CDKAL1: variants seen among roughly 807,000 people sequenced by gnomAD.
CDKAL1 encodes the protein CDKAL1 threonylcarbamoyladenosine tRNA methylthiotransferase, also known as threonylcarbamoyladenosine tRNA methylthiotransferase.
A neutral mutation model predicts 68.2 loss-of-function variants in CDKAL1; 32 were observed. The observed-to-expected ratio is 0.47, with a 90% CI of 0.35 to 0.63. The LOEUF (loss-of-function observed/expected upper bound fraction) is 0.63. Among genes scored for constraint, CDKAL1 ranks in the 30% least tolerant of loss-of-function variants. The pLI, the probability that CDKAL1 is intolerant of heterozygous loss-of-function variation, is 0.00. For missense variants in CDKAL1, 606 were observed against 696.7 expected (o/e 0.87, Z 1.47); for synonymous variants, 234 against 244.3 (o/e 0.96, Z 0.39).
intron 5 of CDKAL1, among the ~76,000 whole-genome samples, chr6:20,660,798 T>A (rs1021057524): frequency 6.6e-6 from 1 of 152,184 alleles, no homozygotes; most frequent in Non-Finnish European, 1.5e-5. Context: ...GGGTTTAGTA[T>A]CGTTATGCTG....
intron 12 of CDKAL1, among the ~76,000 whole-genome samples, chr6:21,082,874 G>GTTTTTTTT (rs71540612): frequency 7.7e-6 from 1 of 129,172 alleles, no homozygotes; most frequent in Non-Finnish European, 1.6e-5. Flanking sequence ...TGTTTCTTTT[G>GTTTTTTTT]TTTTTTTTTT....
chr6:20,601,332 T>G (rs978796273), intron 4 of CDKAL1, among the ~76,000 whole-genome samples: 3 of 152,228 alleles, frequency 2.0e-5, no homozygotes, highest in African/African-American at 7.2e-5. Flanking sequence ...ATAGTGATTC[T>G]TATTTTTTCT....
At chr6:20,596,255 T>A (rs1285467576) in intron 4 of CDKAL1, among the ~76,000 whole-genome samples, 1 of 152,190 alleles carries the variant, frequency 6.6e-6, no homozygotes, top group East Asian at 1.9e-4. Context: ...GCTGAAGCTG[T>A]GCCCACAGCT....
chr6:20,867,201 T>C (rs1281956747), intron 9 of CDKAL1, among the ~76,000 whole-genome samples: 2 of 152,184 alleles, frequency 1.3e-5, no homozygotes, highest in Admixed American at 6.5e-5. Context: ...CAGTGTAATA[T>C]AGAGTAAATC....
intron 5 of CDKAL1, among the ~76,000 whole-genome samples, chr6:20,709,466 A>T (rs2127828028): frequency 6.6e-6 from 1 of 152,282 alleles, no homozygotes; most frequent in East Asian, 1.9e-4. Context: ...AAAAATTTGA[A>T]GTCTGAACAC....
chr6:20,687,883 T>C (rs1285080380), intron 5 of CDKAL1, among the ~76,000 whole-genome samples: 3 of 152,120 alleles, frequency 2.0e-5, no homozygotes, highest in Non-Finnish European at 2.9e-5. Context: ...TAAAGGATTT[T>C]TTTTTTTAAT....
At chr6:21,155,573 C>T (rs896157524) in intron 13 of CDKAL1, among the ~76,000 whole-genome samples, 1 of 152,202 alleles carries the variant, frequency 6.6e-6, no homozygotes. Flanking sequence ...ACGGTGAAAG[C>T]TCTTTAAGAG....
At chr6:20,766,761 A>T (rs534757091) in intron 7 of CDKAL1, among the ~76,000 whole-genome samples, 1 of 152,278 alleles carries the variant, frequency 6.6e-6, no homozygotes, top group South Asian at 2.1e-4. Context: ...ATATTTTCAG[A>T]TATGGCAACT....
intron 5 of CDKAL1, among the ~76,000 whole-genome samples, chr6:20,717,747 G>A (rs1772164539): frequency 6.6e-6 from 1 of 152,204 alleles, no homozygotes; most frequent in South Asian, 2.1e-4. Context: ...AACAGGTAGA[G>A]TTGAGTTTCC....
intron 8 of CDKAL1, among the ~76,000 whole-genome samples, chr6:20,841,169 A>T (rs1036459919): frequency 6.6e-6 from 1 of 152,132 alleles, no homozygotes; most frequent in African/African-American, 2.4e-5. Flanking sequence ...GAAAGATCAT[A>T]CTCTATCAAT....
At chr6:20,606,737 A>G (rs1766351338) in intron 4 of CDKAL1, among the ~76,000 whole-genome samples, 1 of 152,248 alleles carries the variant, frequency 6.6e-6, no homozygotes, top group Non-Finnish European at 1.5e-5. Flanking sequence ...GAAATGGGAA[A>G]GAAAACTAAC....
At chr6:20,572,289 G>A (rs1247712212) in intron 4 of CDKAL1, among the ~76,000 whole-genome samples, 1 of 152,096 alleles carries the variant, frequency 6.6e-6, no homozygotes, top group Non-Finnish European at 1.5e-5. Flanking sequence ...AAGTTTCAAG[G>A]CTACCTGTAT....
At chr6:20,867,603 C>A (rs917492542) in intron 9 of CDKAL1, among the ~76,000 whole-genome samples, 1 of 152,090 alleles carries the variant, frequency 6.6e-6, no homozygotes, top group Non-Finnish European at 1.5e-5. Context: ...GTTTTCAGGC[C>A]AATTTCAGAA....
chr6:20,711,639 T>G (rs1162107155), intron 5 of CDKAL1, among the ~76,000 whole-genome samples: 2 of 152,204 alleles, frequency 1.3e-5, no homozygotes, highest in Non-Finnish European at 2.9e-5. Flanking sequence ...ATCATAAGTG[T>G]GTTATCTCAT....
intron 13 of CDKAL1, among the ~76,000 whole-genome samples, chr6:21,192,572 A>G (rs576477957): frequency 5.3e-5 from 8 of 152,176 alleles, no homozygotes; most frequent in Non-Finnish European, 8.8e-5. Context: ...AGTTACTACA[A>G]TCAGTTACTT....
At chr6:20,643,542 A>C (rs924264115) in intron 4 of CDKAL1, among the ~76,000 whole-genome samples, 1 of 152,330 alleles carries the variant, frequency 6.6e-6, no homozygotes. Context: ...GAAGCCCAAC[A>C]ATGTGTGCAT....
chr6:20,792,575 G>T (rs1245389858), intron 8 of CDKAL1, among the ~76,000 whole-genome samples: 1 of 152,086 alleles, frequency 6.6e-6, no homozygotes, highest in East Asian at 1.9e-4. Flanking sequence ...ACTTTCTCCT[G>T]TCTCTGTTAT....
At chr6:20,994,003 C>T (rs1011917782) in intron 10 of CDKAL1, among the ~76,000 whole-genome samples, 11 of 152,192 alleles carry the variant, frequency 7.2e-5, no homozygotes, top group Non-Finnish European at 1.3e-4. Flanking sequence ...CAACTGCTCC[C>T]CCTCCCATGT....
At chr6:20,688,688 G>A (rs935215298) in intron 5 of CDKAL1, among the ~76,000 whole-genome samples, 2 of 152,134 alleles carry the variant, frequency 1.3e-5, no homozygotes, top group African/African-American at 4.8e-5. Context: ...CCCATAGCAT[G>A]TTAATCATTG....
Sources: gnomAD v4.1 joint callset for allele counts (sites outside exome capture counted in the v4.1 genomes callset) on GRCh38, gnomAD v4.1.1 for gene constraint, MANE v1.5 for transcripts, NCBI Gene and HGNC (gene_info 2026-07-23, HGNC 2026-07-21) for gene names.